HSPBAP1: variants seen among roughly 807,000 people sequenced by gnomAD.
HSPBAP1 encodes HSPB1-associated protein 1.
A neutral mutation model predicts 45.2 loss-of-function variants in HSPBAP1; 27 were observed. The observed-to-expected ratio is 0.60, with a 90% CI of 0.44 to 0.82. The LOEUF (loss-of-function observed/expected upper bound fraction) is 0.82. Ranked by LOEUF, HSPBAP1 falls within the 40% of genes least tolerant of loss-of-function variation. The probability of loss-of-function intolerance (pLI) is 0.00; values close to 1 mark genes in which losing one functional copy is unlikely to be tolerated. For synonymous variants in HSPBAP1, 204 were observed against 202.7 expected (o/e 1.01, Z -0.06); for missense variants, 510 against 590.9 (o/e 0.86, Z 1.42).
chr3:122,752,453 T>C (rs977755506), intron 6 of HSPBAP1, 138 bp downstream of exon 6: 17 of 578,352 alleles, frequency 2.9e-5, no homozygotes, highest in African/African-American at 2.9e-4. Flanking sequence ...GCATACGTTA[T>C]AGTGCACTGC....
intron 2 of HSPBAP1, among the ~76,000 whole-genome samples, chr3:122,769,099 C>T (rs1173683808): frequency 6.6e-6 from 1 of 151,752 alleles, no homozygotes; most frequent in Non-Finnish European, 1.5e-5. Flanking sequence ...TGAGACCAGT[C>T]TGTGCAACAG....
chr3:122,751,191 G>A (rs1934122385), intron 6 of HSPBAP1, among the ~76,000 whole-genome samples: 1 of 152,158 alleles, frequency 6.6e-6, no homozygotes, highest in Non-Finnish European at 1.5e-5. Flanking sequence ...TATATTAAGA[G>A]AACTATTCTT....
chr3:122,757,796 T>C (rs1934408044), intron 4 of HSPBAP1, among the ~76,000 whole-genome samples: 1 of 152,242 alleles, frequency 6.6e-6, no homozygotes, highest in Admixed American at 6.5e-5. Context: ...CAGGTATTTT[T>C]TGATGTTTTT....
At chr3:122,765,278 T>A (rs973781144) in intron 3 of HSPBAP1, among the ~76,000 whole-genome samples, 1 of 152,188 alleles carries the variant, frequency 6.6e-6, no homozygotes, top group Non-Finnish European at 1.5e-5. Context: ...TTAATTATAT[T>A]ATTTTAAAAG....
intron 1 of HSPBAP1, among the ~76,000 whole-genome samples, chr3:122,786,917 T>C (rs1935678265): frequency 6.6e-6 from 1 of 152,244 alleles, no homozygotes; most frequent in Admixed American, 6.5e-5. Context: ...TGAATTTAAA[T>C]GTTACAATTT....
At chr3:122,758,022 A>G (rs756165600) in intron 4 of HSPBAP1, among the ~76,000 whole-genome samples, 3 of 152,246 alleles carry the variant, frequency 2.0e-5, no homozygotes, top group Non-Finnish European at 4.4e-5. Flanking sequence ...CAGAGAGTGG[A>G]CTAACTTCTA....
intron 1 of HSPBAP1, among the ~76,000 whole-genome samples, chr3:122,780,733 G>C (rs1935421924): frequency 6.6e-6 from 1 of 151,390 alleles, no homozygotes; most frequent in South Asian, 2.1e-4. Flanking sequence ...TGGCTGCCGG[G>C]CGGAGGGGCT....
rs768054812 is a variant in HSPBAP1, at chr3:122,755,330, T to C, written c.671A>G (p.Asn224Ser). 4.2e-5 allele frequency: 67 copies of C among 1,606,794 alleles called. No homozygotes were observed. The highest frequency in any genetic ancestry group is 5.0e-5 in the Non-Finnish European group (59 of 1,176,724). ...SSVFSKINVV[N>S]PDLKRFPQFR... ...CTGAGGAAAACGCTTTAAATCAGGA[T>C]TGACAACATTGATTTTACTGAACAC... Residue 224 changes from asparagine (N) to serine (S), a missense_variant, in exon 5 of 8, where the codon AAT (asparagine) becomes AGT (serine). Coordinates refer to ENST00000306103, the MANE Select transcript of HSPBAP1 (RefSeq NM_024610.6).
At chr3:122,781,264 C>T (rs1341381532) in intron 1 of HSPBAP1, among the ~76,000 whole-genome samples, 1 of 152,148 alleles carries the variant, frequency 6.6e-6, no homozygotes, top group Non-Finnish European at 1.5e-5. Context: ...GCCTGGGCAC[C>T]ATTGAGCACT....
intron 1 of HSPBAP1, among the ~76,000 whole-genome samples, chr3:122,779,492 T>TTTATTTATTTATTTA (rs755495858): frequency 1.4e-5 from 2 of 144,416 alleles, no homozygotes; most frequent in South Asian, 2.2e-4. Context: ...ATATGTTTTC[T>TTTATTTATTTATTTA]TTTATTTATT....
chr3:122,751,266 G>A (rs760527123), intron 6 of HSPBAP1, among the ~76,000 whole-genome samples: 6 of 152,134 alleles, frequency 3.9e-5, no homozygotes, highest in Admixed American at 6.5e-5. Context: ...CATATGCCAC[G>A]CACTATATTA....
chr3:122,741,067 A>C lies in HSPBAP1; in HGVS notation c.872T>G (p.Leu291Arg). Residue 291 changes from leucine to arginine, a missense_variant, in exon 7 of 8, where the codon CTT becomes CGT. Coordinates refer to ENST00000306103, the MANE Select transcript of HSPBAP1 (RefSeq NM_024610.6). ...ARVEEAITRM[L>R]VCALKTAENP... ...CTCTGCAGTTTTCAGGGCACACACA[A>C]GCATACGGGTGATTGCCTCTTCTAC... The C allele has an allele frequency of 6.2e-7, 1 of 1,614,228 alleles. No homozygotes were observed. Among genetic ancestry groups the C allele is most frequent in the Non-Finnish European group, 8.5e-7 (1 of 1,180,024 alleles).
At chr3:122,768,908 A>C (rs1239057822) in intron 2 of HSPBAP1, 26 bp from the exon 3 acceptor site, 1 of 1,425,602 alleles carries the variant, frequency 7.0e-7, no homozygotes, top group South Asian at 1.2e-5. Context: ...ATGCAACCTT[A>C]AATGTATAAT....
intron 1 of HSPBAP1, among the ~76,000 whole-genome samples, chr3:122,778,372 T>C (rs1424172363): frequency 1.3e-5 from 2 of 151,924 alleles, no homozygotes; most frequent in African/African-American, 4.8e-5. Context: ...AACAAATTGA[T>C]TGGTTGCCTA....
chr3:122,763,267 T>A (rs1429855291), intron 3 of HSPBAP1, among the ~76,000 whole-genome samples: 4 of 152,220 alleles, frequency 2.6e-5, no homozygotes, highest in Non-Finnish European at 4.4e-5. Flanking sequence ...ATCAGTGGTG[T>A]CTGAGAATGA....
intron 2 of HSPBAP1, among the ~76,000 whole-genome samples, chr3:122,774,680 G>A (rs1935126074): frequency 6.6e-6 from 1 of 152,190 alleles, no homozygotes; most frequent in Non-Finnish European, 1.5e-5. Context: ...CTAGGATGAG[G>A]CCACGCAACT....
chr3:122,784,089 A>C (rs1935578010), intron 1 of HSPBAP1, among the ~76,000 whole-genome samples: 1 of 151,988 alleles, frequency 6.6e-6, no homozygotes, highest in Non-Finnish European at 1.5e-5. Flanking sequence ...TTGGTCTCCC[A>C]AAGTGCTGGG....
Position 122,752,577 on chromosome 3 carries a change from C to T in HSPBAP1, c.825+14G>A. On this transcript the variant is annotated intron_variant, in intron 6 of 7. Coordinates refer to ENST00000306103, the MANE Select transcript of HSPBAP1 (RefSeq NM_024610.6). Reference sequence around the variant, plus strand: ...CACTTACTTAAAAAAAAAAAAAAAACAACGAAAAAGTACCAGTTCAATCCA... The same window carrying T: ...CACTTACTTAAAAAAAAAAAAAAAATAACGAAAAAGTACCAGTTCAATCCA... 2 of 1,026,260 alleles carry T rather than the reference C, an allele frequency of 1.9e-6. No individual in the cohort carries two copies. The highest frequency in any genetic ancestry group is 2.6e-6 in the Non-Finnish European group (2 of 776,892). The allele number at this position is 1,026,260 out of a possible 1,614,324, so 63.6% of individuals were successfully genotyped here.
chr3:122,776,883 C>G (rs1935208065), intron 2 of HSPBAP1, among the ~76,000 whole-genome samples: 1 of 152,158 alleles, frequency 6.6e-6, no homozygotes, highest in Non-Finnish European at 1.5e-5. Flanking sequence ...GGAAGCGAAG[C>G]TGGGGACTTT....
Sources: allele counts gnomAD v4.1 joint callset (sites outside exome capture counted in the v4.1 genomes callset), GRCh38; gene constraint gnomAD v4.1.1; transcripts MANE v1.5; gene names NCBI Gene and HGNC (gene_info 2026-07-23, HGNC 2026-07-21).